Variants in SLC26A5 observed in about 807,000 individuals in gnomAD.
SLC26A5 encodes prestin.
A neutral mutation model predicts 81.0 loss-of-function variants in SLC26A5; 51 were observed. The observed-to-expected ratio is 0.63, with a 90% CI of 0.50 to 0.80. The LOEUF is 0.80. SLC26A5 is among the 30% of genes least tolerant of loss of function. SLC26A5 has a pLI of 0.00. For synonymous variants in SLC26A5, 325 were observed against 332.8 expected (o/e 0.98, Z 0.25); for missense variants, 771 against 905.8 (o/e 0.85, Z 1.91).
intron 2 of SLC26A5, among the ~76,000 whole-genome samples, chr7:103,434,272 C>G (rs1002096905): frequency 6.6e-6 from 1 of 152,128 alleles, no homozygotes; most frequent in African/African-American, 2.4e-5. Context: ...ATCATTTTTC[C>G]TTACAAATTT....
chr7:103,441,223 GTCTC>G (rs1173401689), intron 2 of SLC26A5, among the ~76,000 whole-genome samples: 2 of 152,092 alleles, frequency 1.3e-5, no homozygotes, highest in Non-Finnish European at 2.9e-5. Flanking sequence ...ACTCATGTCT[GTCTC>G]TCTTACCGAT....
At chr7:103,364,958 C>CATACATATATAT (rs374432802) in intron 19 of SLC26A5, among the ~76,000 whole-genome samples, 1 of 125,502 alleles carries the variant, frequency 8.0e-6, no homozygotes, top group East Asian at 2.5e-4. Context: ...TGTAGACATA[C>CATACATATATAT]ATATATATAT....
chr7:103,412,542 G>GTTTTTTTTTTTT (rs1244758241), intron 5 of SLC26A5, among the ~76,000 whole-genome samples: 1 of 121,668 alleles, frequency 8.2e-6, no homozygotes, highest in African/African-American at 3.8e-5. Context: ...GAGGAGTGTA[G>GTTTTTTTTTTTT]TTTTTTTTTT....
intron 11 of SLC26A5, among the ~76,000 whole-genome samples, chr7:103,390,713 C>T (rs1183960552): frequency 6.6e-6 from 1 of 152,100 alleles, no homozygotes; most frequent in Non-Finnish European, 1.5e-5. Flanking sequence ...TAAATGGAAG[C>T]TGAAATGTTG....
intron 11 of SLC26A5, among the ~76,000 whole-genome samples, 198 bp from the exon 12 acceptor site, chr7:103,390,704 A>C (rs772298625): frequency 6.6e-6 from 1 of 152,064 alleles, no homozygotes; most frequent in Non-Finnish European, 1.5e-5. Flanking sequence ...TATGGCTTTT[A>C]AATGGAAGCT....
At chr7:103,371,476 C>T (rs539459946), downstream of SLC26A5, among the ~76,000 whole-genome samples, 45 of 151,358 alleles carry the variant, frequency 3.0e-4, no homozygotes, top group Non-Finnish European at 4.4e-4. Flanking sequence ...AGGCGCCCGC[C>T]ACTACGCCCG....
chr7:103,366,979 A>G (rs966522855), intron 19 of SLC26A5, among the ~76,000 whole-genome samples: 5 of 152,012 alleles, frequency 3.3e-5, no homozygotes, highest in Admixed American at 6.6e-5. Flanking sequence ...TAATTTTTGT[A>G]TTTTTAGTAG....
At chr7:103,385,694 TTTC>T (rs1302703628) in intron 14 of SLC26A5, among the ~76,000 whole-genome samples, 7 of 149,766 alleles carry the variant, frequency 4.7e-5, no homozygotes, top group African/African-American at 1.5e-4. Flanking sequence ...ATTTTTTTCT[TTTC>T]TTTTCTTTTT....
chr7:103,392,959 G>T lies in SLC26A5; in HGVS notation c.1079C>A (p.Thr360Asn). 1 of 1,614,022 alleles carries T rather than the reference G, an allele frequency of 6.2e-7. No homozygotes were observed. Among genetic ancestry groups the T allele is most frequent in the South Asian group, 1.1e-5 (1 of 91,076 alleles). ...GFSVTISMAK[T>N]LANKHGYQVD... is the part of the protein sequence containing the mutation. ...CTGGTAGCCATGTTTATTTGCTAAG[G>T]TCTTGGCCATGGAGATGGTCACTGA... The change falls in exon 10 of 20, where the codon ACC (threonine) becomes AAC (asparagine). Residue 360 changes from threonine to asparagine, a missense_variant. Coordinates refer to ENST00000306312, the MANE Select transcript of SLC26A5 (RefSeq NM_198999.3).
rs765322606 is a variant in SLC26A5 at position 103,421,492 on chromosome 7, T to C, written c.23A>G (p.Glu8Gly). MDHAEEN[E>G]ILAATQRYYV... ...GTACCTCTGGGTTGCTGCAAGGATT[T>C]CATTTTCTTCAGCATGATCCATAGT... The change falls in exon 3 of 20, where the codon GAA becomes GGA. Residue 8 changes from glutamate (E) to glycine (G), a missense_variant. Coordinates refer to ENST00000306312, the MANE Select transcript of SLC26A5 (RefSeq NM_198999.3). 6.8e-6 allele frequency: 11 copies of C among 1,613,960 alleles called. No individual in the cohort carries two copies. In the South Asian group the frequency reaches 1.1e-4, roughly 16 times the overall value.
intron 4 of SLC26A5, among the ~76,000 whole-genome samples, chr7:103,417,170 G>A (rs1026226250): frequency 3.3e-5 from 5 of 151,898 alleles, no homozygotes. Context: ...AAGAGATCGA[G>A]ACCATCCTGG....
intron 19 of SLC26A5, among the ~76,000 whole-genome samples, chr7:103,365,560 C>T (rs774410837): frequency 2.7e-4 from 41 of 152,260 alleles, no homozygotes; most frequent in Non-Finnish European, 4.9e-4. Flanking sequence ...ACCCAGAAGG[C>T]GAAGGTTGCA....
intron 2 of SLC26A5, among the ~76,000 whole-genome samples, chr7:103,430,936 T>C (rs987520366): frequency 6.6e-5 from 10 of 152,224 alleles, no homozygotes; most frequent in Middle Eastern, 3.2e-3. Flanking sequence ...AATTATTCCA[T>C]ACCACTAAAT....
intron 11 of SLC26A5, 41 bp from the exon 12 acceptor site, chr7:103,390,547 T>C: frequency 6.6e-7 from 1 of 1,521,670 alleles, no homozygotes. Context: ...TTTAGGAGAC[T>C]TGAATAAGAG....
intron 2 of SLC26A5, among the ~76,000 whole-genome samples, chr7:103,438,425 T>G (rs1325871676): frequency 2.0e-5 from 3 of 151,318 alleles, no homozygotes; most frequent in Non-Finnish European, 1.5e-5. Flanking sequence ...CGCTCTCGAC[T>G]CACTGCAACC....
intron 19 of SLC26A5, 31 bp downstream of exon 19, chr7:103,376,777 A>T (rs761667975): frequency 1.8e-5 from 26 of 1,480,944 alleles, no homozygotes; most frequent in Non-Finnish European, 2.3e-5. Flanking sequence ...CTAAAATATT[A>T]AGCTTCACCC....
At chr7:103,418,472 A>T (rs1825092506) in intron 4 of SLC26A5, among the ~76,000 whole-genome samples, 1 of 152,018 alleles carries the variant, frequency 6.6e-6, no homozygotes, top group South Asian at 2.1e-4. Context: ...TTCCTGTTTC[A>T]GATACTGGGC....
intron 2 of SLC26A5, among the ~76,000 whole-genome samples, chr7:103,424,952 C>T (rs145884157): frequency 2.6e-5 from 4 of 152,280 alleles, no homozygotes; most frequent in African/African-American, 9.6e-5. Context: ...TGTCTCTTAC[C>T]CATGTATGTG....
chr7:103,362,425 TAAC>T, intron 19 of SLC26A5: 1 of 1,354,456 alleles, frequency 7.4e-7, no homozygotes, highest in South Asian at 1.7e-5. Flanking sequence ...ATAGAATACA[TAAC>T]AACTCACTTA....
Sources: allele counts gnomAD v4.1 joint callset (sites outside exome capture counted in the v4.1 genomes callset), GRCh38; gene constraint gnomAD v4.1.1; transcripts MANE v1.5; gene names NCBI Gene and HGNC (gene_info 2026-07-23, HGNC 2026-07-21).